MYO10: variants seen among roughly 807,000 people sequenced by gnomAD.
The protein encoded by MYO10 is unconventional myosin-X.
Under a neutral mutation model 257.3 loss-of-function variants are expected in MYO10, and 133 were observed. The ratio of observed to expected loss-of-function variants is 0.52; its 90% CI spans 0.45 to 0.60. The LOEUF (loss-of-function observed/expected upper bound fraction) is 0.60, where lower values mean the gene tolerates loss of function less well. Among genes scored for constraint, MYO10 ranks in the 20% least tolerant of loss-of-function variants. MYO10 has a pLI of 0.00. For missense variants in MYO10, 2,399 were observed against 2,635.7 expected (o/e 0.91, Z 1.97); for synonymous variants, 1,104 against 1,028.6 (o/e 1.07, Z -1.40).
Position 16,766,250 on chromosome 5 carries a change from C to T in MYO10, c.1061-52G>A. On this transcript the variant is annotated intron_variant, in intron 10 of 40. Coordinates refer to ENST00000513610, the MANE Select transcript of MYO10 (RefSeq NM_012334.3). ...GAACCCACCGCCCCCAAGAAGCTAA[C>T]CAGGCTTAGCGATACCTTAACGCAG... is the stretch of plus-strand genomic sequence containing the variant. The T allele has an allele frequency of 3.6e-6, 5 of 1,394,260 alleles. No individual in the cohort carries two copies. In the South Asian group the frequency reaches 3.6e-5, roughly 10 times the overall value. The allele number at this position is 1,394,260 out of a possible 1,614,324, so 86.4% of individuals were successfully genotyped here. A position where few individuals can be genotyped will look rare whatever the true frequency, so the allele number is the denominator to read the frequency against.
intron 2 of MYO10, among the ~76,000 whole-genome samples, chr5:16,855,199 T>C (rs1006090611): frequency 1.3e-5 from 2 of 152,156 alleles, no homozygotes; most frequent in Non-Finnish European, 2.9e-5. Context: ...CCATCAAAGA[T>C]AGCAATGAGC....
chr5:16,691,413 T>G (rs965268327), intron 27 of MYO10, among the ~76,000 whole-genome samples: 5 of 148,652 alleles, frequency 3.4e-5, no homozygotes, highest in Non-Finnish European at 7.5e-5. Context: ...AAAATCAAGA[T>G]CAGGGCCGGG....
At chr5:16,707,678 AG>A (rs1366089192) in intron 21 of MYO10, among the ~76,000 whole-genome samples, 14 of 152,188 alleles carry the variant, frequency 9.2e-5, no homozygotes, top group Non-Finnish European at 1.5e-4. Context: ...AGCCAAAACC[AG>A]GAAGGAGAGG....
At chr5:16,681,135 T>TA (rs1235137977) in intron 32 of MYO10, among the ~76,000 whole-genome samples, 174 bp downstream of exon 32, 1 of 152,168 alleles carries the variant, frequency 6.6e-6, no homozygotes, top group African/African-American at 2.4e-5. Context: ...TAGTACGGCT[T>TA]AAACACTAAG....
chr5:16,780,029 G>A (rs1741348225), intron 8 of MYO10, among the ~76,000 whole-genome samples: 2 of 152,136 alleles, frequency 1.3e-5, no homozygotes, highest in Admixed American at 1.3e-4. Flanking sequence ...AGCCTCCTGA[G>A]TAGCTGGAAT....
intron 18 of MYO10, among the ~76,000 whole-genome samples, chr5:16,757,592 T>C (rs1275476493): frequency 1.3e-5 from 2 of 152,028 alleles, no homozygotes; most frequent in African/African-American, 2.4e-5. Flanking sequence ...TTAGAAGAAA[T>C]AGCCATTTAT....
intron 18 of MYO10, among the ~76,000 whole-genome samples, chr5:16,757,469 AG>A (rs1044597167): frequency 6.6e-6 from 1 of 152,134 alleles, no homozygotes; most frequent in Non-Finnish European, 1.5e-5. Flanking sequence ...TCATCTAACC[AG>A]GGGGAAAAAA....
At chr5:16,780,344 T>C (rs529363993) in intron 8 of MYO10, among the ~76,000 whole-genome samples, 180 bp downstream of exon 8, 11 of 152,228 alleles carry the variant, frequency 7.2e-5, no homozygotes, top group Admixed American at 7.2e-4. Context: ...CTACTGATAA[T>C]TTTCTCCCTA....
chr5:16,873,498 C>A (rs1164297685), intron 2 of MYO10, among the ~76,000 whole-genome samples: 1 of 152,196 alleles, frequency 6.6e-6, no homozygotes, highest in Non-Finnish European at 1.5e-5. Context: ...AGGACAGTGG[C>A]CCTCTTCTCA....
In MYO10 at chr5:16,666,813, A is replaced by G; in HGVS notation, c.6076-20T>C. 6.4e-7 allele frequency: 1 copy of G among 1,571,008 alleles called. No homozygotes were observed. Among genetic ancestry groups the G allele is most frequent in the Non-Finnish European group, 8.6e-7 (1 of 1,157,746 alleles). ...CACCACCTGCCCAGGGGGAAGCAGA[A>G]CCGACACAGCGTCACAAGTCTCCCC... is the stretch of plus-strand genomic sequence containing the variant. On this transcript the variant is annotated intron_variant, in intron 40 of 40. Coordinates refer to ENST00000513610, the MANE Select transcript of MYO10 (RefSeq NM_012334.3).
rs558122593 is a variant in MYO10 at position 16,844,627 on chromosome 5, C to G, written c.121-26460G>C. On this transcript the variant is annotated intron_variant, in intron 2 of 40. Transcript: ENST00000513610. ...AATTGGCATAAACAGGATTCTAGTGCCTAATCTATACTCAACTACTAATTC... is the reference window on the plus strand; with the variant it reads ...AATTGGCATAAACAGGATTCTAGTGGCTAATCTATACTCAACTACTAATTC... Among the ~76,000 whole-genome samples the G allele has an allele frequency of 3.3e-5, 5 of 152,226 alleles. No homozygotes were observed. In the South Asian group the frequency reaches 6.2e-4, roughly 19 times the overall value.
intron 2 of MYO10, among the ~76,000 whole-genome samples, chr5:16,839,544 A>G (rs1359497358): frequency 6.6e-6 from 1 of 152,112 alleles, no homozygotes; most frequent in African/African-American, 2.4e-5. Flanking sequence ...GGAGTTCGAG[A>G]CCAGCCTGGG....
rs1396221296 is a variant in MYO10, at chr5:16,935,890, C to T, written c.-82G>A. The T allele has an allele frequency of 3.2e-6, 5 of 1,548,752 alleles. No homozygotes were observed. The African/African-American group carries it at 6.8e-5, about 21-fold the overall frequency. ...CCGCCGCGGGTCCGGGGAAACCATG[C>T]GTGTCACGGCGCCACTCCCGAGGAC... On this transcript the variant is annotated 5_prime_UTR_variant, in exon 1 of 41. Transcript: ENST00000513610.
chr5:16,902,204 C>T lies in MYO10; in HGVS notation c.22-24497G>A, dbSNP rs1441387256. On this transcript the variant is annotated intron_variant, in intron 1 of 40. Transcript: ENST00000513610. ...GGGATTACAGGTGCCCACCACCAGG[C>T]CCGGCTAATTTTTTTTTTTTTAAAG... 10 of 640,884 alleles carry T rather than the reference C, an allele frequency of 1.6e-5. No individual in the cohort carries two copies. The Admixed American group carries it at 2.3e-4, about 15-fold the overall frequency. 39.7% of individuals were successfully genotyped at this position (640,884 alleles called of 1,614,324 possible). A position where few individuals can be genotyped will look rare whatever the true frequency, so the allele number is the denominator to read the frequency against.
intron 9 of MYO10, among the ~76,000 whole-genome samples, chr5:16,774,578 C>T (rs1302503053): frequency 2.6e-5 from 4 of 151,936 alleles, no homozygotes; most frequent in Non-Finnish European, 4.4e-5. Context: ...CCCACCACCA[C>T]ACCCGGCTAA....
intron 4 of MYO10, among the ~76,000 whole-genome samples, chr5:16,788,410 C>T (rs951880498): frequency 2.6e-5 from 4 of 152,066 alleles, no homozygotes; most frequent in Non-Finnish European, 4.4e-5. Context: ...CATACTTTAC[C>T]GTGTGTAAGT....
intron 19 of MYO10, 91 bp downstream of exon 19, chr5:16,754,737 G>A: frequency 1.2e-6 from 1 of 813,766 alleles, no homozygotes; most frequent in Non-Finnish European, 1.9e-6. Context: ...TACAATGAAA[G>A]GACTTTGGAG....
At chr5:16,746,147 CT>C (rs1353835998) in intron 19 of MYO10, among the ~76,000 whole-genome samples, 3 of 152,090 alleles carry the variant, frequency 2.0e-5, no homozygotes, top group African/African-American at 7.2e-5. Flanking sequence ...CATGCCTCCC[CT>C]TTTTAGACGA....
At chr5:16,821,086 CATATAAT>C (rs1384758946) in intron 2 of MYO10, among the ~76,000 whole-genome samples, 19 of 145,540 alleles carry the variant, frequency 1.3e-4, no homozygotes, top group African/African-American at 4.7e-4. Flanking sequence ...GTTTTATATA[CATATAAT>C]GTATAATATA....
Sources: allele counts gnomAD v4.1 joint callset (sites outside exome capture counted in the v4.1 genomes callset), GRCh38; gene constraint gnomAD v4.1.1; transcripts MANE v1.5; gene names NCBI Gene and HGNC (gene_info 2026-07-23, HGNC 2026-07-21).